The following PALLD variants were observed in gnomAD, a reference collection of about 807,000 sequenced individuals.
PALLD encodes the protein palladin.
PALLD carries 61 observed loss-of-function variants against 123.5 expected under a neutral mutation model. The observed-to-expected ratio is 0.49, with a 90% CI of 0.40 to 0.61. The LOEUF (loss-of-function observed/expected upper bound fraction) is 0.61, where lower values mean the gene tolerates loss of function less well. PALLD is among the 20% of genes least tolerant of loss of function. The pLI, the probability that PALLD is intolerant of heterozygous loss-of-function variation, is 0.00. For missense variants in PALLD, 1,273 were observed against 1,377.0 expected (o/e 0.92, Z 1.20); for synonymous variants, 465 against 496.4 (o/e 0.94, Z 0.84).
At chr4:168,702,852 C>CT (rs368887076) in intron 8 of PALLD, among the ~76,000 whole-genome samples, 3,959 of 150,962 alleles carry the variant, frequency 0.026, 108 homozygotes, top group South Asian at 0.14. Context: ...AATGATTAAT[C>CT]TTTTTTTTAA....
chr4:168,801,788 G>A (rs1739377679), intron 10 of PALLD, among the ~76,000 whole-genome samples: 1 of 152,152 alleles, frequency 6.6e-6, no homozygotes, highest in South Asian at 2.1e-4. Flanking sequence ...GGGTGTCAGG[G>A]AACCTGCCTG....
intron 2 of PALLD, among the ~76,000 whole-genome samples, chr4:168,606,639 G>T (rs887806300): frequency 1.3e-4 from 19 of 149,026 alleles, no homozygotes; most frequent in Admixed American, 4.0e-4. Flanking sequence ...ACTCCAGCCT[G>T]GGGGACAGAG....
At chr4:168,914,080 AG>A (rs1759612046) in intron 16 of PALLD, 59 bp downstream of exon 16, 17 of 1,018,296 alleles carry the variant, frequency 1.7e-5, no homozygotes, top group Non-Finnish European at 2.6e-5. Flanking sequence ...CTATAAATGT[AG>A]TACTATTAGA....
At chr4:168,860,336 C>G (rs966164661) in intron 10 of PALLD, among the ~76,000 whole-genome samples, 1 of 152,176 alleles carries the variant, frequency 6.6e-6, no homozygotes, top group African/African-American at 2.4e-5. Context: ...CTCGGACTCC[C>G]AGGTCTGGAG....
intron 2 of PALLD, among the ~76,000 whole-genome samples, chr4:168,647,646 TA>T (rs1777599903): frequency 1.3e-5 from 2 of 151,986 alleles, no homozygotes; most frequent in Admixed American, 6.6e-5. Context: ...CTGGGCATGG[TA>T]GTGCACACCT....
chr4:168,585,684 C>G (rs1383812260), intron 2 of PALLD, among the ~76,000 whole-genome samples: 2 of 152,102 alleles, frequency 1.3e-5, no homozygotes, highest in East Asian at 1.9e-4. Flanking sequence ...AGCAGCCTGT[C>G]GTTTTCGGAG....
intron 3 of PALLD, among the ~76,000 whole-genome samples, chr4:168,680,481 CAAAAAAAAAAAAAAA>C (rs571607157): frequency 2.0e-4 from 12 of 59,172 alleles, no homozygotes; most frequent in East Asian, 1.2e-3. Context: ...GATTCCGTCT[CAAAAAAAAAAAAAAA>C]AAAAAAAAAA....
chr4:168,507,615 C>T lies in PALLD; in HGVS notation c.-82-3808C>T, dbSNP rs564462483. On this transcript the variant is annotated intron_variant, in intron 1 of 21. Coordinates refer to ENST00000505667, the MANE Select transcript of PALLD (RefSeq NM_001166108.2). ...CTGGATTACTGCACAAGCCTTCTCACGGACCGCCCTACTGTCAGTCTTGTC... is the reference window on the plus strand; with the variant it reads ...CTGGATTACTGCACAAGCCTTCTCATGGACCGCCCTACTGTCAGTCTTGTC... 11 of 201,664 alleles carry T rather than the reference C, an allele frequency of 5.5e-5. No individual in the cohort carries two copies. In the South Asian group the frequency reaches 7.6e-4, roughly 14 times the overall value. 12.5% of individuals were successfully genotyped at this position (201,664 alleles called of 1,614,324 possible).
intron 18 of PALLD, 40 bp from the exon 19 acceptor site, chr4:168,924,215 T>G (rs1762142127): frequency 6.4e-7 from 1 of 1,572,182 alleles, no homozygotes; most frequent in East Asian, 2.2e-5. Context: ...GTGCTCCTTT[T>G]GTATATCATT....
In PALLD at chr4:168,903,809, C is replaced by T; in HGVS notation, c.2525C>T (p.Thr842Ile). 6.2e-7 allele frequency: 1 copy of T among 1,611,274 alleles called. No homozygotes were observed. Among genetic ancestry groups the T allele is most frequent in the Non-Finnish European group, 8.5e-7 (1 of 1,177,496 alleles). The change falls in exon 15 of 22, where the codon ACC becomes ATC. Residue 842 changes from threonine (T) to isoleucine (I), a missense_variant. Physicochemically the swap from Thr to Ile is moderately conservative, Grantham distance 89. Transcript: ENST00000505667. ...KQISPKSDHY[T>I]IQRDLDGTCS... ...ATCTCTCCAAAGAGTGATCACTACA[C>T]CATTCAAAGAGATCTCGATGGGACC...
intron 10 of PALLD, among the ~76,000 whole-genome samples, chr4:168,854,235 ATAGAT>A (rs1560799324): frequency 6.6e-6 from 1 of 152,156 alleles, no homozygotes; most frequent in Non-Finnish European, 1.5e-5. Context: ...GTTGAACAGA[ATAGAT>A]GTGAACTCTG....
At chr4:168,671,229 C>T (rs1300470584) in intron 3 of PALLD, among the ~76,000 whole-genome samples, 1 of 152,176 alleles carries the variant, frequency 6.6e-6, no homozygotes, top group Non-Finnish European at 1.5e-5. Context: ...TCTCACCATA[C>T]TGATCTTTAA....
intron 2 of PALLD, among the ~76,000 whole-genome samples, chr4:168,515,751 T>C (rs571820185): frequency 1.3e-5 from 2 of 152,190 alleles, no homozygotes; most frequent in Non-Finnish European, 2.9e-5. Context: ...GTTAGGACCA[T>C]AGCTCCAGAA....
chr4:168,862,522 A>G (rs1261009373), intron 10 of PALLD, among the ~76,000 whole-genome samples: 1 of 152,208 alleles, frequency 6.6e-6, no homozygotes, highest in Non-Finnish European at 1.5e-5. Context: ...TAAGCCAAAA[A>G]TGTCCAATTC....
At chr4:168,725,713 A>G (rs1786508700) in intron 10 of PALLD, among the ~76,000 whole-genome samples, 1 of 151,926 alleles carries the variant, frequency 6.6e-6, no homozygotes, top group Admixed American at 6.6e-5. Context: ...TTTTTAGTAC[A>G]GACGGGGTTT....
At chr4:168,631,582 T>A in intron 2 of PALLD, 1 of 984,884 alleles carries the variant, frequency 1.0e-6, no homozygotes, top group Non-Finnish European at 1.2e-6. Flanking sequence ...TCCGACACAC[T>A]CCGCGCACAC....
intron 2 of PALLD, among the ~76,000 whole-genome samples, chr4:168,581,256 G>A (rs934494548): frequency 1.3e-5 from 2 of 151,846 alleles, no homozygotes; most frequent in Admixed American, 1.3e-4. Context: ...CATTTCCTTT[G>A]TGTATATACC....
chr4:168,818,088 C>G lies in PALLD; in HGVS notation c.1965-72834C>G, dbSNP rs924563145. Among the ~76,000 whole-genome samples the G allele has an allele frequency of 4.6e-5, 7 of 152,190 alleles. No individual in the cohort carries two copies. The South Asian group carries it at 1.5e-3, about 32-fold the overall frequency. On this transcript the variant is annotated intron_variant, in intron 10 of 21. Coordinates refer to ENST00000505667, the MANE Select transcript of PALLD (RefSeq NM_001166108.2). ...AAAAATAACCTGCCCCCCACTTAAA[C>G]TGAAATATAAACTCTATTGAATAAG...
intron 1 of PALLD, among the ~76,000 whole-genome samples, chr4:168,499,804 T>C (rs868654313): frequency 5.9e-5 from 9 of 152,230 alleles, no homozygotes; most frequent in Admixed American, 3.3e-4. Context: ...CTAAAGAATC[T>C]GCTGAATGTG....
Sources: allele counts gnomAD v4.1 joint callset (sites outside exome capture counted in the v4.1 genomes callset), GRCh38; gene constraint gnomAD v4.1.1; transcripts MANE v1.5; gene names NCBI Gene and HGNC (gene_info 2026-07-23, HGNC 2026-07-21).